Variants in SH2D2A observed in about 807,000 individuals in gnomAD.
SH2D2A encodes SH2 domain-containing protein 2A.
SH2D2A carries 33 observed loss-of-function variants against 43.6 expected under a neutral mutation model. The ratio of observed to expected loss-of-function variants is 0.76; its 90% CI spans 0.57 to 1.01. The LOEUF (loss-of-function observed/expected upper bound fraction) is 1.01. Among genes scored for constraint, SH2D2A ranks in the 50% least tolerant of loss-of-function variants. The pLI, the probability that SH2D2A is intolerant of heterozygous loss-of-function variation, is 0.00. For synonymous variants in SH2D2A, 212 were observed against 206.1 expected (o/e 1.03, Z -0.25); for missense variants, 491 against 503.1 (o/e 0.98, Z 0.23).
chr1:156,808,566 G>A (rs572914873), intron 7 of SH2D2A, among the ~76,000 whole-genome samples: 1 of 152,270 alleles, frequency 6.6e-6, no homozygotes, highest in East Asian at 1.9e-4. Flanking sequence ...GAGGGAGGCT[G>A]GGGAAGGGCT....
At position 156,813,387 on chromosome 1, in the gene SH2D2A, C is replaced by T. The variant is rs149262689; in HGVS notation, c.567+461G>A. Among the ~76,000 whole-genome samples, 616 of 152,200 alleles carry T rather than the reference C, an allele frequency of 4.0e-3. 5 individuals carry two copies. The highest frequency in any genetic ancestry group is 0.014 in the African/African-American group (597 of 41,504). On this transcript the variant is annotated intron_variant, in intron 5 of 8. Coordinates refer to ENST00000368199, the MANE Select transcript of SH2D2A (RefSeq NM_003975.4). ...ATACCAGGTGGAAAATACCAGCATT[C>T]GAGGCCTTAGGGATAGGAGGATAAT...
Position 156,809,563 on chromosome 1 carries a change from C to G in SH2D2A, c.715-73G>C. ...GTTAAAGCCCCAGCCTAACTCCCAGCCTGAGCCTCTGCCCCCGCTAGGCCC... is the reference window on the plus strand; with the variant it reads ...GTTAAAGCCCCAGCCTAACTCCCAGGCTGAGCCTCTGCCCCCGCTAGGCCC... On this transcript the variant is annotated intron_variant, in intron 6 of 8. Coordinates refer to ENST00000368199, the MANE Select transcript of SH2D2A (RefSeq NM_003975.4). The surrounding 1 kb of genome is among the most constrained non-coding windows in gnomAD (Gnocchi z 4.8). The G allele has an allele frequency of 1.9e-6, 3 of 1,554,446 alleles. No homozygotes were observed. Among genetic ancestry groups the G allele is most frequent in the Non-Finnish European group, 2.6e-6 (3 of 1,150,840 alleles).
At chr1:156,812,498 G>A (rs949269725) in intron 5 of SH2D2A, among the ~76,000 whole-genome samples, 3 of 152,192 alleles carry the variant, frequency 2.0e-5, no homozygotes, top group African/African-American at 7.2e-5. Flanking sequence ...GCCTGCTGCC[G>A]AGAATGCTTT....
rs139790457 is a variant in SH2D2A, at chr1:156,815,941, T to C, written c.123+65A>G. The C allele has an allele frequency of 1.0e-3, 1,658 of 1,604,724 alleles. 23 individuals carry two copies. In the African/African-American group the frequency reaches 0.02, roughly 20 times the overall value. On this transcript the variant is annotated intron_variant, in intron 2 of 8. Coordinates refer to ENST00000368199, the MANE Select transcript of SH2D2A (RefSeq NM_003975.4). ...TGGCCTTTGTCCATCTGCAAGTCCT[T>C]CCCCATGGGAGGGTGGGAGAGATGA...
At position 156,807,247 on chromosome 1, in the gene SH2D2A, G is replaced by A. The variant is rs761606481; in HGVS notation, c.1101C>T (p.Pro367=). 9.3e-6 allele frequency: 15 copies of A among 1,610,882 alleles called. No individual in the cohort carries two copies. Among genetic ancestry groups the A allele is most frequent in the Non-Finnish European group, 1.2e-5 (14 of 1,179,874 alleles). ...QPPPAWRHTL[P]HNLSRQVLQD... ...GAAGCACCTGTCTAGAAAGATTGTG[G>A]GGGAGGGTGTGTCTCCAGGCGGGTG... Residue 367 remains proline (P), a synonymous_variant, in exon 8 of 9, where the codon CCC becomes CCT. Coordinates refer to ENST00000368199, the MANE Select transcript of SH2D2A (RefSeq NM_003975.4). This position sits in a 1 kb window ranked among gnomAD's most constrained non-coding sequence, Gnocchi z 5.1.
intron 8 of SH2D2A, among the ~76,000 whole-genome samples, chr1:156,806,902 A>G (rs1319400338): frequency 6.6e-6 from 1 of 152,180 alleles, no homozygotes; most frequent in Non-Finnish European, 1.5e-5. Flanking sequence ...GGCAGACATC[A>G]CTAATCAATC....
In SH2D2A at chr1:156,807,205, T is replaced by C. The variant is rs974944919; in HGVS notation, c.1143A>G (p.Ala381=). The C allele has an allele frequency of 6.9e-7, 1 of 1,459,770 alleles. No homozygotes were observed. Among genetic ancestry groups the C allele is most frequent in the African/African-American group, 1.5e-5 (1 of 68,902 alleles). 90.4% of individuals were successfully genotyped at this position (1,459,770 alleles called of 1,614,324 possible). A position where few individuals can be genotyped will look rare whatever the true frequency, so the allele number is the denominator to read the frequency against. The part of the protein sequence containing the change: ...SRQVLQDRGQ[A]WLPLGPPQ ...ACTGAGGAGGCCCAAGGGGAAGCCA[T>C]GCCTGTCCTCTGTCCTGAAGCACCT... The change falls in exon 8 of 9, where the codon GCA becomes GCG. Residue 381 remains alanine (A), a synonymous_variant. Coordinates refer to ENST00000368199, the MANE Select transcript of SH2D2A (RefSeq NM_003975.4). This position sits in a 1 kb window ranked among gnomAD's most constrained non-coding sequence, Gnocchi z 5.1.
In SH2D2A at chr1:156,816,810, G is replaced by T; in HGVS notation, c.-102C>A. 2 of 1,143,564 alleles carry T rather than the reference G, an allele frequency of 1.7e-6. No homozygotes were observed. The highest frequency in any genetic ancestry group is 2.4e-6 in the Non-Finnish European group (2 of 834,254). The allele number at this position is 1,143,564 out of a possible 1,614,324, so 70.8% of individuals were successfully genotyped here. A position where few individuals can be genotyped will look rare whatever the true frequency, so the allele number is the denominator to read the frequency against. On this transcript the variant is annotated 5_prime_UTR_variant, in exon 1 of 9. Coordinates refer to ENST00000368199, the MANE Select transcript of SH2D2A (RefSeq NM_003975.4). ...TCATCTCTCCTCTCACCCTGGCCCC[G>T]GGGGCAGGAAATGTCGCCTTACCCA...
At position 156,809,622 on chromosome 1, in the gene SH2D2A, G is replaced by C; in HGVS notation, c.714+39C>G. On this transcript the variant is annotated intron_variant, in intron 6 of 8. Transcript: ENST00000368199. This position sits in a 1 kb window ranked among gnomAD's most constrained non-coding sequence, Gnocchi z 4.8. ...CCCCGCTGCCTGCACCCCCTCGCAG[G>C]CCTGTCCTCCCACTCCCTCAGCCCC... is the stretch of plus-strand genomic sequence containing the variant. 1 of 1,585,998 alleles carries C rather than the reference G, an allele frequency of 6.3e-7. No individual in the cohort carries two copies. The highest frequency in any genetic ancestry group is 8.6e-7 in the Non-Finnish European group (1 of 1,167,538).
At chr1:156,814,183 G>T (rs1255467768) in intron 4 of SH2D2A, 22 bp downstream of exon 4, 4 of 1,612,188 alleles carry the variant, frequency 2.5e-6, no homozygotes, top group Non-Finnish European at 3.4e-6. Context: ...TGTGTCGCCC[G>T]GCGCGGGGCC....
rs1480722625 is a variant in SH2D2A, at chr1:156,809,485, G to A, written c.720C>T (p.Ser240=). ...QKEGAGEKEP[S]QLLRPKPPIP... is the part of the protein sequence containing the mutation. ...TGGGAGGCTTGGGCCTGAGCAGCTG[G>A]GAGGGCTGGGAGAGAAGGTGAGGCC... is the stretch of plus-strand genomic sequence containing the variant. The change falls in exon 7 of 9, where the codon TCC becomes TCT. Residue 240 remains serine, a synonymous_variant. Coordinates refer to ENST00000368199, the MANE Select transcript of SH2D2A (RefSeq NM_003975.4). The surrounding 1 kb of genome is among the most constrained non-coding windows in gnomAD (Gnocchi z 4.8). 1 of 1,597,758 alleles carries A rather than the reference G, an allele frequency of 6.3e-7. No homozygotes were observed. The highest frequency in any genetic ancestry group is 1.3e-5 in the African/African-American group (1 of 74,694).
In SH2D2A at chr1:156,809,889, C is replaced by CT. The variant is rs1653289188; in HGVS notation, c.568-83dup. 2.7e-6 allele frequency: 4 copies of CT among 1,503,140 alleles called. No homozygotes were observed. Among genetic ancestry groups the CT allele is most frequent in the Non-Finnish European group, 3.6e-6 (4 of 1,100,366 alleles). The allele number at this position is 1,503,140 out of a possible 1,614,324, so 93.1% of individuals were successfully genotyped here. ...GATCAGGAGGACAAAATAATCCAGT[C>CT]TAAGTGGAGGATGGGGGAAGGGGGA... On this transcript the variant is annotated intron_variant, in intron 5 of 8. Transcript: ENST00000368199. The surrounding 1 kb of genome is among the most constrained non-coding windows in gnomAD (Gnocchi z 4.8).
intron 7 of SH2D2A, among the ~76,000 whole-genome samples, chr1:156,808,115 G>C (rs1482934670): frequency 2.6e-4 from 40 of 152,178 alleles, no homozygotes; most frequent in African/African-American, 9.4e-4. Context: ...TTGTGCCACT[G>C]CACTCCAGCC....
rs1653242812 is a variant in SH2D2A at position 156,809,513 on chromosome 1, G to C, written c.715-23C>G. On this transcript the variant is annotated intron_variant, in intron 6 of 8. Coordinates refer to ENST00000368199, the MANE Select transcript of SH2D2A (RefSeq NM_003975.4). This position sits in a 1 kb window ranked among gnomAD's most constrained non-coding sequence, Gnocchi z 4.8. ...GGGCTGGGAGAGAAGGTGAGGCCAG[G>C]GAGGAGTGGGGTGAGGGAGGCAGGG... 6.3e-7 allele frequency: 1 copy of C among 1,578,610 alleles called. No individual in the cohort carries two copies. The highest frequency in any genetic ancestry group is 8.6e-7 in the Non-Finnish European group (1 of 1,162,054).
At position 156,816,758 on chromosome 1, in the gene SH2D2A, G is replaced by C; in HGVS notation, c.-50C>G. On this transcript the variant is annotated 5_prime_UTR_variant, in exon 1 of 9. Transcript: ENST00000368199. ...AGAGCAGGGTGTGTGTATGTGTTCC[G>C]GAAAGGTGTGCACACTCAGCAACTC... is the stretch of plus-strand genomic sequence containing the variant. 1 of 1,527,856 alleles carries C rather than the reference G, an allele frequency of 6.5e-7. No homozygotes were observed. Among genetic ancestry groups the C allele is most frequent in the Non-Finnish European group, 8.8e-7 (1 of 1,134,604 alleles). 94.6% of individuals were successfully genotyped at this position (1,527,856 alleles called of 1,614,324 possible). A position where few individuals can be genotyped will look rare whatever the true frequency, so the allele number is the denominator to read the frequency against.
At chr1:156,811,383 G>C (rs1489096721) in intron 5 of SH2D2A, among the ~76,000 whole-genome samples, 1 of 152,172 alleles carries the variant, frequency 6.6e-6, no homozygotes, top group Non-Finnish European at 1.5e-5. Context: ...CAATCCTTGG[G>C]TGGCAGCCCA....
Position 156,815,821 on chromosome 1 carries a change from A to G in SH2D2A, c.123+185T>C, listed in dbSNP as rs200646544. ...GGAGCAGTAAGGGAGTGAGTGGGCA[A>G]CTCGGCGCATGAAGGAGGTACTCCT... On this transcript the variant is annotated intron_variant, in intron 2 of 8. Transcript: ENST00000368199. 2,069 of 1,613,848 alleles carry G rather than the reference A, an allele frequency of 1.3e-3. 2 individuals are homozygous for G. The highest frequency in any genetic ancestry group is 1.5e-3 in the Non-Finnish European group (1,739 of 1,179,958).
Position 156,809,398 on chromosome 1 carries a change from C to G in SH2D2A, c.807G>C (p.Pro269=). ...VYTIPVPRHR[P]APRPKPSNPI... ...GATTGGAGGGCTTGGGGCGTGGGGC[C>G]GGGCGGTGTCGTGGAACAGGGATTG... The change falls in exon 7 of 9, where the codon CCG becomes CCC. Residue 269 remains proline (P), a synonymous_variant. Transcript: ENST00000368199. The surrounding 1 kb of genome is among the most constrained non-coding windows in gnomAD (Gnocchi z 4.8). 1 of 1,613,866 alleles carries G rather than the reference C, an allele frequency of 6.2e-7. No individual in the cohort carries two copies. Among genetic ancestry groups the G allele is most frequent in the Non-Finnish European group, 8.5e-7 (1 of 1,179,986 alleles).
intron 5 of SH2D2A, among the ~76,000 whole-genome samples, chr1:156,810,070 C>G (rs939886061): frequency 1.3e-5 from 2 of 152,186 alleles, no homozygotes. Context: ...GAGTCTCACT[C>G]TGTTGCCCAG....
Sources: allele counts gnomAD v4.1 joint callset (sites outside exome capture counted in the v4.1 genomes callset), GRCh38; gene constraint gnomAD v4.1.1; non-coding constraint Gnocchi (gnomAD v3.1); transcripts MANE v1.5; gene names NCBI Gene and HGNC (gene_info 2026-07-23, HGNC 2026-07-21).